The following BPTF variants were observed in gnomAD, a reference collection of about 807,000 sequenced individuals.
BPTF encodes the protein nucleosome-remodeling factor subunit BPTF.
BPTF carries 18 observed loss-of-function variants against 292.5 expected under a neutral mutation model. That is an observed-to-expected ratio of 0.06 (90% CI 0.04 to 0.09). The LOEUF is 0.09. Ranked by LOEUF, BPTF falls within the 10% of genes least tolerant of loss-of-function variation. The pLI, the probability that BPTF is intolerant of heterozygous loss-of-function variation, is 1.00. For synonymous variants in BPTF, 1,225 were observed against 1,251.9 expected, an observed-to-expected ratio of 0.98 and a Z score of 0.45; for missense variants, 2,726 against 3,498.7, an observed-to-expected ratio of 0.78 and a Z score of 5.57.
chr17:67,946,052 C>T lies in BPTF; in HGVS notation c.7344C>T (p.Ile2448=). ...AACAAGTCCAGGTTCTCTCTCAGAT[C>T]CAGTCACAGGTTGTGGCTCAGATAC... ...LQQQVQVLSQ[I]QSQVVAQIQA... Residue 2448 remains isoleucine, a synonymous_variant, in exon 21 of 28, where the codon ATC becomes ATT. Transcript: ENST00000306378. 1 of 1,614,194 alleles carries T rather than the reference C, an allele frequency of 6.2e-7. No homozygotes were observed. Among genetic ancestry groups the T allele is most frequent in the South Asian group, 1.1e-5 (1 of 91,090 alleles).
At chr17:67,895,807 T>C (rs1486300635) in intron 7 of BPTF, among the ~76,000 whole-genome samples, 1 of 152,128 alleles carries the variant, frequency 6.6e-6, no homozygotes, top group African/African-American at 2.4e-5. Flanking sequence ...GAGAATGGTT[T>C]GACAAAAACA....
intron 1 of BPTF, among the ~76,000 whole-genome samples, chr17:67,828,944 T>A (rs375452036): frequency 6.6e-6 from 1 of 152,336 alleles, no homozygotes; most frequent in East Asian, 1.9e-4. Flanking sequence ...TGTAACAGAG[T>A]TTTGCACATA....
chr17:67,843,754 CTTTTTTTTTTTTTTT>C (rs56335701), intron 1 of BPTF, among the ~76,000 whole-genome samples: 8 of 62,274 alleles, frequency 1.3e-4, no homozygotes, highest in African/African-American at 4.2e-4. Context: ...GAGCAGTTGT[CTTTTTTTTTTTTTTT>C]TTTTTTTTTT....
chr17:67,852,636 A>G (rs1471905347), intron 1 of BPTF, among the ~76,000 whole-genome samples: 1 of 152,174 alleles, frequency 6.6e-6, no homozygotes, highest in African/African-American at 2.4e-5. Context: ...TTGACTATTT[A>G]TGTATATTTA....
intron 1 of BPTF, among the ~76,000 whole-genome samples, chr17:67,851,272 CTTTTTTT>C (rs57971998): frequency 1.5e-5 from 2 of 129,934 alleles, no homozygotes; most frequent in Admixed American, 1.6e-4. Flanking sequence ...CGATTTTCTG[CTTTTTTT>C]TTTTTTTTTT....
At chr17:67,892,760 T>G (rs2061204455) in intron 5 of BPTF, among the ~76,000 whole-genome samples, 1 of 152,232 alleles carries the variant, frequency 6.6e-6, no homozygotes, top group Admixed American at 6.5e-5. Flanking sequence ...CTTTCTGAAA[T>G]ACTATTTTAC....
In BPTF at chr17:67,891,877, A is replaced by T. The variant is rs758446089; in HGVS notation, c.1898A>T (p.Glu633Val). 17 of 1,608,518 alleles carry T rather than the reference A, an allele frequency of 1.1e-5. No homozygotes were observed. The highest frequency in any genetic ancestry group is 1.3e-5 in the African/African-American group (1 of 74,548). Residue 633 changes from glutamate to valine, a missense_variant, in exon 5 of 28, where the codon GAG becomes GTG. Around this residue, in one of 22 missense-constraint regions of BPTF, gnomAD observed 187 missense variants for 201.5 expected, o/e 0.93. Transcript: ENST00000306378. ...GDFKSEKSNG[E>V]LSESPGAGKG... ...TTCAAATCGGAGAAGTCCAACGGGG[A>T]GCTAAGTGAATCTCCTGGAGCTGGA... is the stretch of plus-strand genomic sequence containing the variant.
chr17:67,920,442 T>C (rs1165004596), intron 13 of BPTF, among the ~76,000 whole-genome samples: 1 of 152,226 alleles, frequency 6.6e-6, no homozygotes, highest in Non-Finnish European at 1.5e-5. Context: ...CCATCTCGTC[T>C]GTCTGGTTTA....
In BPTF at chr17:67,892,037, G is replaced by C; in HGVS notation, c.2055+3G>C. 1 of 1,548,536 alleles carries C rather than the reference G, an allele frequency of 6.5e-7. No homozygotes were observed. The highest frequency in any genetic ancestry group is 8.7e-7 in the Non-Finnish European group (1 of 1,146,608). On this transcript the variant is annotated splice_donor_region_variant and intron_variant, in intron 5 of 27. Transcript: ENST00000306378. Reference sequence around the variant, plus strand: ...AATTATTTAAGGAGGGCAAAGAGGTGTGTTCTTTCTGTTTAAAACAAAAAT... The same window carrying C: ...AATTATTTAAGGAGGGCAAAGAGGTCTGTTCTTTCTGTTTAAAACAAAAAT...
chr17:67,909,959 A>G (rs1377462440), intron 10 of BPTF, among the ~76,000 whole-genome samples, 198 bp downstream of exon 10: 1 of 152,254 alleles, frequency 6.6e-6, no homozygotes, highest in African/African-American at 2.4e-5. Flanking sequence ...AACCATTATT[A>G]CATCAATCTT....
intron 1 of BPTF, among the ~76,000 whole-genome samples, chr17:67,843,346 G>A (rs1008964674): frequency 3.3e-5 from 5 of 150,392 alleles, no homozygotes; most frequent in Non-Finnish European, 7.4e-5. Flanking sequence ...TGCCCAGGCT[G>A]GAGTGCAGTG....
chr17:67,930,283 C>T (rs142549398), intron 17 of BPTF, among the ~76,000 whole-genome samples: 1,997 of 152,186 alleles, frequency 0.013, 20 homozygotes, highest in Middle Eastern at 0.054. Context: ...ACTGCAAACT[C>T]CACCTCCTGG....
At chr17:67,840,383 A>G (rs148648209) in intron 1 of BPTF, among the ~76,000 whole-genome samples, 21 of 152,232 alleles carry the variant, frequency 1.4e-4, no homozygotes, top group African/African-American at 5.1e-4. Flanking sequence ...CTGAGATTAC[A>G]GGCATGAGCT....
At chr17:67,849,711 G>T (rs900519406) in intron 1 of BPTF, among the ~76,000 whole-genome samples, 1 of 152,224 alleles carries the variant, frequency 6.6e-6, no homozygotes, top group Non-Finnish European at 1.5e-5. Flanking sequence ...GCTAAGGCGG[G>T]TGGATCACTT....
chr17:67,931,919 A>G lies in BPTF; in HGVS notation c.6159A>G (p.Thr2053=). The change falls in exon 18 of 28, where the codon ACA becomes ACG. Residue 2053 remains threonine, a synonymous_variant. Coordinates refer to ENST00000306378, the MANE Select transcript of BPTF (RefSeq NM_182641.4). ...CTTTGTGTCATTTATAGGTAATCAC[A>G]GGGCCTCAGATTCGCCCTGGTATGA... is the stretch of plus-strand genomic sequence containing the variant. ...GGTTSNSQVI[T]GPQIRPGMTV... is the part of the protein sequence containing the mutation. The G allele has an allele frequency of 6.2e-7, 1 of 1,611,938 alleles. No homozygotes were observed. The highest frequency in any genetic ancestry group is 8.5e-7 in the Non-Finnish European group (1 of 1,178,998).
At chr17:67,847,195 A>G (rs1452922716) in intron 1 of BPTF, among the ~76,000 whole-genome samples, 1 of 152,172 alleles carries the variant, frequency 6.6e-6, no homozygotes, top group Non-Finnish European at 1.5e-5. Context: ...TAAAATGCTT[A>G]CTTAGCACAA....
intron 11 of BPTF, among the ~76,000 whole-genome samples, chr17:67,914,488 G>A (rs1249706524): frequency 2.0e-5 from 3 of 152,202 alleles, no homozygotes; most frequent in African/African-American, 7.2e-5. Flanking sequence ...ACAATTCATG[G>A]ATTTATAGGA....
At chr17:67,972,392 T>A (rs1345204325) in intron 26 of BPTF, among the ~76,000 whole-genome samples, 1 of 151,840 alleles carries the variant, frequency 6.6e-6, no homozygotes, top group Non-Finnish European at 1.5e-5. Flanking sequence ...CCCACCACCA[T>A]ACCTACCCAG....
chr17:67,952,993 C>T (rs1371775777), intron 23 of BPTF, among the ~76,000 whole-genome samples: 1 of 152,058 alleles, frequency 6.6e-6, no homozygotes, highest in East Asian at 1.9e-4. Flanking sequence ...TAGAGTCTTG[C>T]TCTGTCGCCC....
Sources: gnomAD v4.1 joint callset for allele counts (sites outside exome capture counted in the v4.1 genomes callset) on GRCh38, gnomAD v4.1.1 for gene constraint, gnomAD v4.1.1 regional missense constraint, MANE v1.5 for transcripts, NCBI Gene and HGNC (gene_info 2026-07-23, HGNC 2026-07-21) for gene names.